The following CFAP95 variants were observed in gnomAD, a reference collection of about 807,000 sequenced individuals.
The protein encoded by CFAP95 is cilia- and flagella-associated protein 95.
the CFAP95 span, among the ~76,000 whole-genome samples, chr9:69,843,628 TTCCTCC>T: frequency 5.2e-5 from 3 of 57,558 alleles, no homozygotes; most frequent in East Asian, 7.7e-4. Context: ...CTTCTTCTTC[TTCCTCC>T]TCCTCCTCCT....
the CFAP95 span, among the ~76,000 whole-genome samples, chr9:69,889,424 AT>A: frequency 6.6e-6 from 1 of 152,098 alleles, no homozygotes. Flanking sequence ...TCTTTGAGAT[AT>A]TTTTCACATT....
At chr9:69,888,153 G>T in the CFAP95 span, among the ~76,000 whole-genome samples, 33,006 of 152,022 alleles carry the variant, frequency 0.22, 4,172 homozygotes, top group Non-Finnish European at 0.27. Flanking sequence ...TGTTTTCTAT[G>T]AGAATTTTAA....
the CFAP95 span, among the ~76,000 whole-genome samples, chr9:69,823,503 T>G: frequency 2.6e-5 from 4 of 152,224 alleles, no homozygotes; most frequent in African/African-American, 9.7e-5. Flanking sequence ...GCTCTGGGCC[T>G]GTTTCTGCAA....
the CFAP95 span, among the ~76,000 whole-genome samples, chr9:69,837,230 C>A: frequency 1.3e-5 from 2 of 152,264 alleles, no homozygotes; most frequent in East Asian, 3.9e-4. Flanking sequence ...ATTTATAGTC[C>A]TTTGGGTATA....
the CFAP95 span, among the ~76,000 whole-genome samples, chr9:69,828,593 G>C: frequency 6.6e-6 from 1 of 152,212 alleles, no homozygotes; most frequent in African/African-American, 2.4e-5. Flanking sequence ...TGAGGCGAGA[G>C]GATCGCTGGA....
At chr9:69,905,910 C>A in the CFAP95 span, 1 of 1,347,506 alleles carries the variant, frequency 7.4e-7, no homozygotes. Flanking sequence ...CTTCTTTTTA[C>A]ATACTTCAGT....
At chr9:69,902,499 G>T in the CFAP95 span, 2 of 313,572 alleles carry the variant, frequency 6.4e-6, no homozygotes, top group South Asian at 2.7e-5. Flanking sequence ...AGTACAAATC[G>T]GTGGTTATAT....
the CFAP95 span, among the ~76,000 whole-genome samples, chr9:69,836,852 G>T: frequency 1.3e-5 from 2 of 150,428 alleles, no homozygotes; most frequent in Admixed American, 1.3e-4. Flanking sequence ...CTAGCATTAG[G>T]TATATCTCCC....
the CFAP95 span, among the ~76,000 whole-genome samples, chr9:69,830,288 G>A: frequency 6.6e-6 from 1 of 152,174 alleles, no homozygotes; most frequent in African/African-American, 2.4e-5. Context: ...GCTAGGCAAG[G>A]GCAAATGGAA....
the CFAP95 span, among the ~76,000 whole-genome samples, chr9:69,842,538 A>G: frequency 6.6e-6 from 1 of 152,226 alleles, no homozygotes; most frequent in Non-Finnish European, 1.5e-5. Flanking sequence ...GATGTTTATG[A>G]TGCTTTACAG....
chr9:69,841,179 T>TATATATATATATATATATATATATATAC, the CFAP95 span, among the ~76,000 whole-genome samples: 1 of 126,828 alleles, frequency 7.9e-6, no homozygotes, highest in Non-Finnish European at 1.7e-5. Flanking sequence ...TATATATATA[T>TATATATATATATATATATATATATATAC]ATATATATAT....
At chr9:69,886,856 C>G in the CFAP95 span, 72 of 1,613,024 alleles carry the variant, frequency 4.5e-5, no homozygotes, top group Non-Finnish European at 5.9e-5. Context: ...TGACAACGTA[C>G]TCAGAAGATT....
the CFAP95 span, among the ~76,000 whole-genome samples, chr9:69,860,542 T>C: frequency 2.0e-5 from 3 of 151,886 alleles, no homozygotes; most frequent in African/African-American, 7.3e-5. Context: ...TCAGCAATAT[T>C]GGCCTTTCTT....
At chr9:69,826,608 C>T in the CFAP95 span, among the ~76,000 whole-genome samples, 1 of 152,210 alleles carries the variant, frequency 6.6e-6, no homozygotes, top group Non-Finnish European at 1.5e-5. Flanking sequence ...TTAACATAGA[C>T]TTAGGCCCTC....
chr9:69,898,720 T>A, the CFAP95 span, among the ~76,000 whole-genome samples: 1 of 152,178 alleles, frequency 6.6e-6, no homozygotes, highest in Non-Finnish European at 1.5e-5. Context: ...TCTTTATAGC[T>A]ATTTTTTCCC....
the CFAP95 span, among the ~76,000 whole-genome samples, chr9:69,895,346 TC>T: frequency 2.8e-5 from 3 of 107,020 alleles, no homozygotes; most frequent in African/African-American, 3.9e-5. Context: ...TCTCTCTCTC[TC>T]TCTCTCTCTC....
chr9:69,825,478 A>G, the CFAP95 span, among the ~76,000 whole-genome samples: 1 of 152,206 alleles, frequency 6.6e-6, no homozygotes, highest in Non-Finnish European at 1.5e-5. Flanking sequence ...CTAGGATAAA[A>G]CATTGCCAAA....
chr9:69,883,439 T>A, the CFAP95 span, among the ~76,000 whole-genome samples: 318 of 152,292 alleles, frequency 2.1e-3, no homozygotes, highest in African/African-American at 6.9e-3. Context: ...GTTGGAGATG[T>A]CATTTGTGGT....
the CFAP95 span, among the ~76,000 whole-genome samples, chr9:69,837,874 T>G: frequency 1.3e-5 from 2 of 152,240 alleles, no homozygotes; most frequent in African/African-American, 4.8e-5. Flanking sequence ...GGTCTAACGT[T>G]TAAGTCTTTA....
Sources: gnomAD v4.1 joint callset for allele counts (sites outside exome capture counted in the v4.1 genomes callset) on GRCh38, gnomAD v4.1.1 for gene constraint, MANE v1.5 for transcripts, NCBI Gene and HGNC (gene_info 2026-07-23, HGNC 2026-07-21) for gene names.